The following CTIF variants were observed in gnomAD, a reference collection of about 807,000 sequenced individuals.
The protein encoded by CTIF is cap binding complex dependent translation initiation factor, also known as CBP80/20-dependent translation initiation factor.
A neutral mutation model predicts 66.0 loss-of-function variants in CTIF; 21 were observed. The observed-to-expected ratio is 0.32, with a 90% CI of 0.23 to 0.46. CTIF has a LOEUF of 0.46. Ranked by LOEUF, CTIF falls within the 20% of genes least tolerant of loss-of-function variation. CTIF has a pLI of 1.00. For synonymous variants in CTIF, 345 were observed against 326.4 expected (o/e 1.06, Z -0.62); for missense variants, 739 against 812.7 (o/e 0.91, Z 1.10).
At chr18:48,754,017 T>G (rs1908095448) in intron 7 of CTIF, among the ~76,000 whole-genome samples, 2 of 152,158 alleles carry the variant, frequency 1.3e-5, no homozygotes. Context: ...CTGACAAATA[T>G]TTGTGAATGG....
chr18:48,551,959 A>G (rs1216091758), intron 1 of CTIF, among the ~76,000 whole-genome samples: 1 of 151,908 alleles, frequency 6.6e-6, no homozygotes, highest in East Asian at 1.9e-4. Flanking sequence ...CACCACGCCC[A>G]GCTAATTATT....
chr18:48,839,002 TG>T (rs1229684826), intron 10 of CTIF, among the ~76,000 whole-genome samples: 3 of 152,216 alleles, frequency 2.0e-5, no homozygotes, highest in African/African-American at 7.2e-5. Context: ...ACCTCCAGGC[TG>T]TGCCGGCTAC....
chr18:48,629,620 G>A (rs2090665851), intron 2 of CTIF, among the ~76,000 whole-genome samples: 1 of 145,100 alleles, frequency 6.9e-6, no homozygotes, highest in Non-Finnish European at 1.5e-5. Context: ...AATTTTCCCA[G>A]TAATATTGTT....
chr18:48,776,649 C>G (rs1910709986), intron 9 of CTIF, among the ~76,000 whole-genome samples: 2 of 152,232 alleles, frequency 1.3e-5, no homozygotes, highest in Non-Finnish European at 2.9e-5. Flanking sequence ...GGCACCAGGC[C>G]CTCTCCAGCA....
chr18:48,619,506 C>G (rs1353901605), intron 1 of CTIF, 32 bp from the exon 2 acceptor site: 27 of 1,351,296 alleles, frequency 2.0e-5, no homozygotes, highest in Non-Finnish European at 2.5e-5. Context: ...CCAGCAGCGT[C>G]TCACGGAGTT....
At chr18:48,812,691 C>A (rs1238521909) in intron 9 of CTIF, among the ~76,000 whole-genome samples, 1 of 150,576 alleles carries the variant, frequency 6.6e-6, no homozygotes, top group Non-Finnish European at 1.5e-5. Flanking sequence ...GAGGTCGAGG[C>A]TGCAGTGAGC....
intron 10 of CTIF, among the ~76,000 whole-genome samples, chr18:48,850,014 T>A (rs9961038): frequency 0.31 from 47,328 of 152,008 alleles, 8,388 homozygotes; most frequent in African/African-American, 0.48. Flanking sequence ...CATGAAACAC[T>A]CCCCATCCTC....
At chr18:48,562,211 T>C (rs1240993992) in intron 1 of CTIF, among the ~76,000 whole-genome samples, 1 of 152,274 alleles carries the variant, frequency 6.6e-6, no homozygotes, top group East Asian at 1.9e-4. Flanking sequence ...TTAAAACTGT[T>C]AACTTACTGC....
chr18:48,627,680 C>A (rs1416514346), intron 2 of CTIF, among the ~76,000 whole-genome samples: 1 of 151,470 alleles, frequency 6.6e-6, no homozygotes, highest in Non-Finnish European at 1.5e-5. Context: ...GATCACACCC[C>A]TTCACTCCAG....
intron 3 of CTIF, among the ~76,000 whole-genome samples, chr18:48,659,240 C>T (rs1720867859): frequency 6.6e-6 from 1 of 152,126 alleles, no homozygotes; most frequent in African/African-American, 2.4e-5. Context: ...CCCCTGTGTC[C>T]AAGGTGTTGC....
chr18:48,659,159 C>T (rs796264694), intron 3 of CTIF, among the ~76,000 whole-genome samples: 4 of 152,188 alleles, frequency 2.6e-5, no homozygotes, highest in African/African-American at 9.6e-5. Context: ...AAACAAACCC[C>T]AAGGAGGTGT....
intron 6 of CTIF, among the ~76,000 whole-genome samples, chr18:48,699,924 G>C (rs1353857216): frequency 6.6e-6 from 1 of 152,222 alleles, no homozygotes; most frequent in Admixed American, 6.5e-5. Flanking sequence ...CTGCATTGCT[G>C]CAGTCCCCCA....
At chr18:48,857,408 C>T (rs577332738) in intron 10 of CTIF, among the ~76,000 whole-genome samples, 180 bp from the exon 11 acceptor site, 1 of 152,216 alleles carries the variant, frequency 6.6e-6, no homozygotes, top group Non-Finnish European at 1.5e-5. Flanking sequence ...GGCCACCCGG[C>T]GCAACTGACT....
chr18:48,573,063 G>A (rs534637606), intron 1 of CTIF, among the ~76,000 whole-genome samples: 48 of 152,122 alleles, frequency 3.2e-4, no homozygotes, highest in Non-Finnish European at 1.8e-4. Context: ...AGGCCAGTGC[G>A]GGAAGTGAGC....
intron 6 of CTIF, among the ~76,000 whole-genome samples, chr18:48,693,604 A>G (rs1482275): frequency 0.27 from 40,655 of 151,920 alleles, 5,965 homozygotes; most frequent in African/African-American, 0.38. Flanking sequence ...AGAGTGTGAG[A>G]AGGCTGGGTA....
intron 9 of CTIF, among the ~76,000 whole-genome samples, chr18:48,811,845 G>A (rs8093350): frequency 0.27 from 41,326 of 152,060 alleles, 6,404 homozygotes; most frequent in African/African-American, 0.4. Flanking sequence ...CCTCTTGTCA[G>A]TAATGCTACA....
intron 9 of CTIF, among the ~76,000 whole-genome samples, chr18:48,790,088 G>C (rs992667915): frequency 2.0e-5 from 3 of 152,232 alleles, no homozygotes; most frequent in Non-Finnish European, 1.5e-5. Flanking sequence ...CTGCCTACTA[G>C]GTGTTGGGGA....
chr18:48,653,660 A>G (rs1229427590), intron 3 of CTIF, among the ~76,000 whole-genome samples: 4 of 152,372 alleles, frequency 2.6e-5, no homozygotes, highest in Admixed American at 6.5e-5. Context: ...AAGAGCCCGC[A>G]TTGCCAAGAC....
At chr18:48,708,641 G>A (rs940295496) in intron 6 of CTIF, among the ~76,000 whole-genome samples, 6 of 152,194 alleles carry the variant, frequency 3.9e-5, no homozygotes, top group Non-Finnish European at 7.3e-5. Flanking sequence ...CCTGGAGAGG[G>A]AGGACCTCAG....
Sources: gnomAD v4.1 joint callset for allele counts (sites outside exome capture counted in the v4.1 genomes callset) on GRCh38, gnomAD v4.1.1 for gene constraint, MANE v1.5 for transcripts, NCBI Gene and HGNC (gene_info 2026-07-23, HGNC 2026-07-21) for gene names.